Variants in MED24 observed in about 807,000 individuals in gnomAD.
MED24 encodes mediator complex subunit 24, also known as mediator of RNA polymerase II transcription subunit 24.
MED24 carries 74 observed loss-of-function variants against 118.8 expected under a neutral mutation model. That is an observed-to-expected ratio of 0.62 (90% CI 0.52 to 0.76). The LOEUF (loss-of-function observed/expected upper bound fraction) is 0.76, where lower values mean the gene tolerates loss of function less well. Among genes scored for constraint, MED24 ranks in the 30% least tolerant of loss-of-function variants. The probability of loss-of-function intolerance (pLI) is 0.00; values close to 1 mark genes in which losing one functional copy is unlikely to be tolerated. For synonymous variants in MED24, 521 were observed against 523.9 expected, an observed-to-expected ratio of 0.99 and a Z score of 0.08; for missense variants, 1,041 against 1,278.9, an observed-to-expected ratio of 0.81 and a Z score of 2.84.
intron 3 of MED24, among the ~76,000 whole-genome samples, chr17:40,043,399 G>C (rs928251682): frequency 6.6e-6 from 1 of 152,314 alleles, no homozygotes; most frequent in South Asian, 2.1e-4. Context: ...AAGGGACCTG[G>C]AGACAGCAGA....
intron 16 of MED24, 93 bp downstream of exon 16, chr17:40,027,290 T>C: frequency 7.1e-7 from 1 of 1,407,302 alleles, no homozygotes; most frequent in Non-Finnish European, 9.7e-7. Context: ...ACTAACTGGC[T>C]GAGAGGCTGC....
At chr17:40,037,332 G>C (rs1297844462) in intron 3 of MED24, among the ~76,000 whole-genome samples, 1 of 152,056 alleles carries the variant, frequency 6.6e-6, no homozygotes, top group Non-Finnish European at 1.5e-5. Flanking sequence ...CACCTTCCCT[G>C]ATCAACCCCA....
At chr17:40,020,950 G>A (rs1439532936) in intron 23 of MED24, among the ~76,000 whole-genome samples, 1 of 152,176 alleles carries the variant, frequency 6.6e-6, no homozygotes, top group Non-Finnish European at 1.5e-5. Flanking sequence ...GCAGGCGCCT[G>A]TAGTCCCAGA....
Position 40,023,362 on chromosome 17 carries a change from CA to C in MED24, c.2018del (p.Met673SerfsTer39), listed in dbSNP as rs1363107130. Reference sequence around the variant, plus strand: ...CTGTCTGCTGCAGCACGTCGGCACACATGCGCTCCAGGATCGAGTTCATGAT... The same window carrying C: ...CTGTCTGCTGCAGCACGTCGGCACACTGCGCTCCAGGATCGAGTTCATGAT... ...VVIMNSILERMCADVLQQTAT... is the reference protein window; with the variant it reads ...VVIMNSILERXCADVLQQTAT... On this transcript the variant is annotated frameshift_variant, in exon 20 of 26. Coordinates refer to ENST00000394128, the MANE Select transcript of MED24 (RefSeq NM_014815.4). LOFTEE classifies it high-confidence loss of function. The C allele has an allele frequency of 6.2e-7, 1 of 1,608,988 alleles. No individual in the cohort carries two copies.
rs1193138770 is a variant in MED24 at position 40,022,049 on chromosome 17, A to C, written c.2529T>G (p.Tyr843Ter). 2.5e-6 allele frequency: 4 copies of C among 1,605,848 alleles called. No homozygotes were observed. The highest frequency in any genetic ancestry group is 2.2e-5 in the East Asian group (1 of 44,768). ...CATCGTCCAGGGGGAAGAGGCTGAT[A>C]TAATCCTAGAGGGAGTGAAAGTCAC... ...KKRHREDIED[Y>*]ISLFPLDDVQ... The change falls in exon 23 of 26, where the codon TAT (tyrosine) becomes TAG (stop). Residue 843 changes from tyrosine (Y) to a stop codon, truncating the protein, a stop_gained. Coordinates refer to ENST00000394128, the MANE Select transcript of MED24 (RefSeq NM_014815.4). LOFTEE classifies it high-confidence loss of function.
At chr17:40,039,441 A>G (rs1328259072) in intron 3 of MED24, among the ~76,000 whole-genome samples, 2 of 152,162 alleles carry the variant, frequency 1.3e-5, no homozygotes, top group Non-Finnish European at 2.9e-5. Flanking sequence ...TGAATATTCA[A>G]CACCCCAACT....
At chr17:40,028,104 TTTGTTTTTTG>T in intron 14 of MED24, 158 bp from the exon 15 acceptor site, 12 of 750,316 alleles carry the variant, frequency 1.6e-5, no homozygotes, top group Non-Finnish European at 2.6e-5. Flanking sequence ...TTTTGTGGTT[TTTGTTTTTTG>T]TTTTTTTTTT....
chr17:40,029,226 T>C (rs1381538551), intron 13 of MED24, among the ~76,000 whole-genome samples: 4 of 152,094 alleles, frequency 2.6e-5, no homozygotes. Context: ...TTAGACAGAG[T>C]CTCGCTCTAT....
rs1982888356 is a variant in MED24, at chr17:40,027,891, T to C, written c.1447+18A>G. ...CCTCAGGGCCCACTGGGCCTGCGGA[T>C]GCACAGGGCTGACTTACTGCTTTCT... On this transcript the variant is annotated intron_variant, in intron 15 of 25. Coordinates refer to ENST00000394128, the MANE Select transcript of MED24 (RefSeq NM_014815.4). 3 of 1,612,458 alleles carry C rather than the reference T, an allele frequency of 1.9e-6. No individual in the cohort carries two copies. The highest frequency in any genetic ancestry group is 2.5e-6 in the Non-Finnish European group (3 of 1,179,440).
intron 23 of MED24, chr17:40,021,100 A>C (rs554298019): frequency 1.5e-5 from 2 of 134,500 alleles, no homozygotes; most frequent in Admixed American, 7.7e-5. Flanking sequence ...AACAAACAAA[A>C]AACAAAACAA....
chr17:40,054,059 G>A (rs1986104264), intron 1 of MED24: 1 of 230,138 alleles, frequency 4.3e-6, no homozygotes. Flanking sequence ...GAACCCGGGA[G>A]GCGGAGGTTG....
chr17:40,032,200 TC>T, intron 9 of MED24, 110 bp from the exon 10 acceptor site: 1 of 1,290,944 alleles, frequency 7.7e-7, no homozygotes, highest in Non-Finnish European at 1.1e-6. Context: ...ACAGGAACAC[TC>T]CTACCCTGGG....
chr17:40,020,467 G>C, intron 23 of MED24, 114 bp from the exon 24 acceptor site: 1 of 1,543,308 alleles, frequency 6.5e-7, no homozygotes, highest in Non-Finnish European at 8.8e-7. Flanking sequence ...GGTACATGGA[G>C]AGCCCAGAGA....
At position 40,044,248 on chromosome 17, in the gene MED24, A is replaced by C. The variant is rs185638007; in HGVS notation, c.214-8094T>G. Among the ~76,000 whole-genome samples the C allele has an allele frequency of 7.4e-3, 1,124 of 151,984 alleles. 6 individuals carry two copies. The highest frequency in any genetic ancestry group is 0.012 in the Non-Finnish European group (841 of 67,918). ...ATTCATAAATACATAGGCCGGGCGC[A>C]GTGGCTTACGCCTGTAATCCCAGCA... On this transcript the variant is annotated intron_variant, in intron 3 of 25. Transcript: ENST00000394128.
Position 40,028,085 on chromosome 17 carries a change from A to C in MED24, c.1410-139T>G, listed in dbSNP as rs189490137. ...CTTAAAATGAGACACATTGCTATAG[A>C]AAAAAGGTTTTTGTGGTTTTTGTTT... On this transcript the variant is annotated intron_variant, in intron 14 of 25. Coordinates refer to ENST00000394128, the MANE Select transcript of MED24 (RefSeq NM_014815.4). 5.6e-6 allele frequency: 5 copies of C among 888,700 alleles called. No individual in the cohort carries two copies. The East Asian group carries it at 1.2e-4, about 22-fold the overall frequency. 55.1% of individuals were successfully genotyped at this position (888,700 alleles called of 1,614,324 possible).
At position 40,026,179 on chromosome 17, in the gene MED24, G is replaced by T; in HGVS notation, c.1962C>A (p.Asn654Lys). The part of the protein sequence containing the change: ...RQLAGPLFSE[N>K]TLQFYNERVV... Reference sequence around the variant, plus strand: ...ACCTCTCATTGTAGAACTGCAGGGTGTTCTCACTAAACAGTGGCCCTGCCA... The same window carrying T: ...ACCTCTCATTGTAGAACTGCAGGGTTTTCTCACTAAACAGTGGCCCTGCCA... The change falls in exon 19 of 26, where the codon AAC (asparagine) becomes AAA (lysine). Residue 654 changes from asparagine (N) to lysine (K), a missense_variant. Around this residue, in one of 3 missense-constraint regions of MED24, gnomAD observed 587 missense variants for 694.4 expected, o/e 0.85. Coordinates refer to ENST00000394128, the MANE Select transcript of MED24 (RefSeq NM_014815.4). 6.2e-7 allele frequency: 1 copy of T among 1,614,170 alleles called. No homozygotes were observed. The highest frequency in any genetic ancestry group is 8.5e-7 in the Non-Finnish European group (1 of 1,179,980).
chr17:40,041,576 C>T (rs568562751), intron 3 of MED24, among the ~76,000 whole-genome samples: 1 of 152,222 alleles, frequency 6.6e-6, no homozygotes, highest in Admixed American at 6.6e-5. Flanking sequence ...TTTGATACCC[C>T]ACAGTCTTCT....
chr17:40,053,368 T>C lies in MED24; in HGVS notation c.143A>G (p.Glu48Gly). ...GGGGGATGGTCCAATCATGGCCTGC[T>C]CTAGTAACGCATCTGCAAGAGGAAT... Reference protein sequence around the residue: ...DILNLADALLEQAMIGPSPNP... With the variant: ...DILNLADALLGQAMIGPSPNP... The change falls in exon 3 of 26, where the codon GAG (glutamate) becomes GGG (glycine). Residue 48 changes from glutamate (E) to glycine (G), a missense_variant. Physicochemically the swap from Glu to Gly is moderately conservative, Grantham distance 98. Around this residue, in one of 3 missense-constraint regions of MED24, gnomAD observed 434 missense variants for 514.9 expected, o/e 0.84. Transcript: ENST00000394128. 1 of 1,613,456 alleles carries C rather than the reference T, an allele frequency of 6.2e-7. No homozygotes were observed.
Position 40,031,237 on chromosome 17 carries a change from C to G in MED24, c.1076G>C (p.Cys359Ser), listed in dbSNP as rs867156306. 2 of 1,565,644 alleles carry G rather than the reference C, an allele frequency of 1.3e-6. No homozygotes were observed. Among genetic ancestry groups the G allele is most frequent in the East Asian group, 4.7e-5 (2 of 42,890 alleles). ...ACATTCTTGGAGCAGGAAGTTTGTA[C>G]AGTCACAGCTGTGAGGGAGAAAGAT... ...DKADQRCNCD[C>S]TNFLLQECGK... The change falls in exon 12 of 26, where the codon TGT (cysteine) becomes TCT (serine). Residue 359 changes from cysteine (C) to serine (S), a missense_variant. Cys to Ser is a moderately radical substitution (Grantham distance 112). Coordinates refer to ENST00000394128, the MANE Select transcript of MED24 (RefSeq NM_014815.4).
Sources: gnomAD v4.1 joint callset for allele counts (sites outside exome capture counted in the v4.1 genomes callset) on GRCh38, gnomAD v4.1.1 for gene constraint, gnomAD v4.1.1 regional missense constraint, MANE v1.5 for transcripts, NCBI Gene and HGNC (gene_info 2026-07-23, HGNC 2026-07-21) for gene names.